The following ARMC3 variants were observed in gnomAD, a reference collection of about 807,000 sequenced individuals.
ARMC3 encodes the protein armadillo repeat-containing protein 3.
Under a neutral mutation model 90.3 loss-of-function variants are expected in ARMC3, and 74 were observed. That is an observed-to-expected ratio of 0.82 (90% CI 0.68 to 0.99). The LOEUF (loss-of-function observed/expected upper bound fraction) is 0.99. ARMC3 is among the 50% of genes least tolerant of loss of function. The probability of loss-of-function intolerance (pLI) is 0.00; values close to 1 mark genes in which losing one functional copy is unlikely to be tolerated. For synonymous variants in ARMC3, 334 were observed against 361.8 expected (o/e 0.92, Z 0.87); for missense variants, 958 against 1,042.8 (o/e 0.92, Z 1.12).
At chr10:23,036,479 T>A (rs1046498284) in intron 18 of ARMC3, among the ~76,000 whole-genome samples, 27 of 152,342 alleles carry the variant, frequency 1.8e-4, no homozygotes, top group African/African-American at 6.3e-4. Context: ...CTTTAAGCAC[T>A]GGACAGATAA....
chr10:23,025,997 A>G (rs1364018639), intron 16 of ARMC3, among the ~76,000 whole-genome samples: 1 of 152,144 alleles, frequency 6.6e-6, no homozygotes, highest in Admixed American at 6.5e-5. Flanking sequence ...GAATGGACCA[A>G]TTATTTATCA....
chr10:22,999,416 A>C (rs1358268915), intron 11 of ARMC3, among the ~76,000 whole-genome samples: 1 of 152,198 alleles, frequency 6.6e-6, no homozygotes, highest in African/African-American at 2.4e-5. Context: ...AAGAATAAAA[A>C]TACAACTGGA....
intron 16 of ARMC3, among the ~76,000 whole-genome samples, chr10:23,015,614 G>A (rs1190700885): frequency 6.6e-6 from 1 of 152,096 alleles, no homozygotes; most frequent in Non-Finnish European, 1.5e-5. Flanking sequence ...ATCATGTCTA[G>A]AGCCTTTTAG....
chr10:23,009,918 G>A (rs1036240728), intron 16 of ARMC3, among the ~76,000 whole-genome samples: 2 of 152,192 alleles, frequency 1.3e-5, no homozygotes, highest in African/African-American at 4.8e-5. Context: ...ATTGGAGGCT[G>A]TGGGGAACAG....
At chr10:22,987,974 A>G (rs752066602) in intron 10 of ARMC3, among the ~76,000 whole-genome samples, 5 of 152,234 alleles carry the variant, frequency 3.3e-5, no homozygotes, top group Non-Finnish European at 4.4e-5. Flanking sequence ...CCCTATGGTC[A>G]GGACCGCACA....
At chr10:23,014,116 A>G (rs995525479) in intron 16 of ARMC3, 56 of 1,549,998 alleles carry the variant, frequency 3.6e-5, no homozygotes, top group Non-Finnish European at 4.6e-5. Context: ...CCCCACTTCA[A>G]GATAAACCCT....
At chr10:22,935,538 A>C (rs1342966009) in intron 2 of ARMC3, among the ~76,000 whole-genome samples, 4 of 152,208 alleles carry the variant, frequency 2.6e-5, no homozygotes, top group African/African-American at 9.6e-5. Context: ...CTTAGAATTC[A>C]AAGCTTAGCC....
At chr10:23,025,339 C>A (rs1355808376) in intron 16 of ARMC3, among the ~76,000 whole-genome samples, 1 of 151,864 alleles carries the variant, frequency 6.6e-6, no homozygotes, top group Non-Finnish European at 1.5e-5. Context: ...TTCACGAATA[C>A]CCTGAGCCAT....
At chr10:23,013,594 C>T (rs2131509298) in intron 16 of ARMC3, among the ~76,000 whole-genome samples, 1 of 152,290 alleles carries the variant, frequency 6.6e-6, no homozygotes, top group Admixed American at 6.5e-5. Context: ...TCAGAGTTCT[C>T]TTTCATTTTT....
intron 16 of ARMC3, among the ~76,000 whole-genome samples, chr10:23,027,921 G>A (rs912041036): frequency 6.6e-6 from 1 of 151,946 alleles, no homozygotes; most frequent in Non-Finnish European, 1.5e-5. Context: ...CAGGAGTTTC[G>A]CTTGAGCTCA....
intron 18 of ARMC3, among the ~76,000 whole-genome samples, chr10:23,036,391 G>T (rs1839129709): frequency 6.6e-6 from 1 of 152,102 alleles, no homozygotes; most frequent in Admixed American, 6.5e-5. Flanking sequence ...ACATATACAG[G>T]GTTCTAAAAC....
intron 16 of ARMC3, among the ~76,000 whole-genome samples, chr10:23,014,713 T>C (rs1838186979): frequency 6.6e-6 from 1 of 151,894 alleles, no homozygotes; most frequent in African/African-American, 2.4e-5. Flanking sequence ...GAAAACCAAA[T>C]ACTGTATGTT....
At position 23,037,322 on chromosome 10, in the gene ARMC3, G is replaced by A. The variant is rs1393658645; in HGVS notation, c.2462G>A (p.Gly821Asp). Residue 821 changes from glycine to aspartate, a missense_variant, in exon 19 of 19, where the codon GGT becomes GAT. Physicochemically the swap from Gly to Asp is moderately conservative, Grantham distance 94. Coordinates refer to ENST00000298032, the MANE Select transcript of ARMC3 (RefSeq NM_173081.5). ...TGCTCCCTAGTTCGCGGAGAGTACG[G>A]TAGAGCGTGGAATGAAGTCATGCTG... ...IGCSLVRGEYGRAWNEVMLQN... is the reference protein window; with the variant it reads ...IGCSLVRGEYDRAWNEVMLQN... 6.2e-7 allele frequency: 1 copy of A among 1,613,700 alleles called. No homozygotes were observed. The highest frequency in any genetic ancestry group is 8.5e-7 in the Non-Finnish European group (1 of 1,179,790).
In ARMC3 at chr10:23,037,629, G is replaced by A; in HGVS notation, c.*150G>A. 1 of 783,268 alleles carries A rather than the reference G, an allele frequency of 1.3e-6. No homozygotes were observed. Among genetic ancestry groups the A allele is most frequent in the Non-Finnish European group, 1.9e-6 (1 of 534,342 alleles). 48.5% of individuals were successfully genotyped at this position (783,268 alleles called of 1,614,324 possible). A position where few individuals can be genotyped will look rare whatever the true frequency, so the allele number is the denominator to read the frequency against. ...CTCTGCGTAGAAATTAGGAAGCTTG[G>A]AGTGAACTTTGCTGTGCTTCTGATT... is the stretch of plus-strand genomic sequence containing the variant. On this transcript the variant is annotated 3_prime_UTR_variant, in exon 19 of 19. Coordinates refer to ENST00000298032, the MANE Select transcript of ARMC3 (RefSeq NM_173081.5).
chr10:22,945,591 C>T (rs1298492492), intron 2 of ARMC3, among the ~76,000 whole-genome samples: 3 of 152,086 alleles, frequency 2.0e-5, no homozygotes, highest in African/African-American at 7.2e-5. Context: ...TATTGTTTTA[C>T]ATATGTACTT....
At chr10:22,973,984 T>TCCTGACCTCATGATCCA (rs1188606928) in intron 8 of ARMC3, among the ~76,000 whole-genome samples, 2 of 152,060 alleles carry the variant, frequency 1.3e-5, no homozygotes, top group Admixed American at 6.6e-5. Context: ...GGTCTTGATC[T>TCCTGACCTCATGATCCA]CCTGACCTCA....
At chr10:22,952,898 G>T (rs10828381) in intron 3 of ARMC3, among the ~76,000 whole-genome samples, 1 of 152,056 alleles carries the variant, frequency 6.6e-6, no homozygotes, top group Admixed American at 6.5e-5. Flanking sequence ...GTATTTTACC[G>T]TGTGGGGTAG....
At chr10:22,958,256 A>G (rs180774071) in intron 4 of ARMC3, among the ~76,000 whole-genome samples, 47 of 152,308 alleles carry the variant, frequency 3.1e-4, no homozygotes, top group Non-Finnish European at 4.3e-4. Flanking sequence ...TAGTATAAAA[A>G]TGTACTTTAA....
chr10:23,023,697 A>G (rs1240018725), intron 16 of ARMC3, among the ~76,000 whole-genome samples: 1 of 152,224 alleles, frequency 6.6e-6, no homozygotes. Flanking sequence ...GTATAATAAC[A>G]GAAATAAAAA....
Sources: allele counts gnomAD v4.1 joint callset (sites outside exome capture counted in the v4.1 genomes callset), GRCh38; gene constraint gnomAD v4.1.1; transcripts MANE v1.5; gene names NCBI Gene and HGNC (gene_info 2026-07-23, HGNC 2026-07-21).